C1orf87: variants seen among roughly 807,000 people sequenced by gnomAD.
C1orf87 encodes the protein uncharacterized protein C1orf87.
A neutral mutation model predicts 60.5 loss-of-function variants in C1orf87; 58 were observed. The observed-to-expected ratio is 0.96, with a 90% CI of 0.78 to 1.19. C1orf87 has a LOEUF of 1.19. Among genes scored for constraint, C1orf87 ranks in the 50% most tolerant of loss-of-function variants. The pLI is 0.00. For missense variants in C1orf87, 673 were observed against 638.6 expected (o/e 1.05, Z -0.58); for synonymous variants, 236 against 227.4 (o/e 1.04, Z -0.34).
At chr1:60,068,306 A>T (rs909038539) in intron 2 of C1orf87, among the ~76,000 whole-genome samples, 1 of 152,186 alleles carries the variant, frequency 6.6e-6, no homozygotes, top group Non-Finnish European at 1.5e-5. Flanking sequence ...TAGCCTTTGC[A>T]TATATTTCTG....
intron 8 of C1orf87, among the ~76,000 whole-genome samples, chr1:60,018,490 G>A (rs140294856): frequency 2.2e-3 from 335 of 152,012 alleles, no homozygotes; most frequent in Middle Eastern, 6.8e-3. Flanking sequence ...TCATATTCCC[G>A]ATTCTCAGAA....
chr1:60,010,587 G>A (rs1645076627), intron 8 of C1orf87, 131 bp from the exon 9 acceptor site: 1 of 745,478 alleles, frequency 1.3e-6, no homozygotes. Context: ...AAGGTCCAAT[G>A]CAGGAAACAG....
intron 8 of C1orf87, among the ~76,000 whole-genome samples, chr1:60,019,352 A>G (rs959867741): frequency 6.6e-6 from 1 of 152,192 alleles, no homozygotes; most frequent in East Asian, 1.9e-4. Context: ...CCACTCAGCC[A>G]TCCTTCCTGT....
intron 8 of C1orf87, among the ~76,000 whole-genome samples, chr1:60,016,887 T>G (rs1645128027): frequency 6.6e-6 from 1 of 152,210 alleles, no homozygotes. Flanking sequence ...AGCCCAAGGG[T>G]GAAGCCAGCT....
chr1:60,051,830 A>G (rs1254886009), intron 3 of C1orf87, among the ~76,000 whole-genome samples: 1 of 152,210 alleles, frequency 6.6e-6, no homozygotes, highest in Non-Finnish European at 1.5e-5. Flanking sequence ...GTAGAATTTA[A>G]CGGAATCTGT....
rs1430759161 is a variant in C1orf87, at chr1:60,039,933, C to T, written c.731G>A (p.Arg244Lys). Reference protein sequence around the residue: ...VKILCQRFSKRGSPEMVNYEK... With the variant: ...VKILCQRFSKKGSPEMVNYEK... ...TTGCCATACCATTTCAGGAGAACCC[C>T]TCTTAGAAAATCTCTGACAAAGGAT... Residue 244 changes from arginine (R) to lysine (K), a missense_variant, in exon 5 of 12, where the codon AGG becomes AAG. Arg to Lys is a conservative substitution (Grantham distance 26). Coordinates refer to ENST00000371201, the MANE Select transcript of C1orf87 (RefSeq NM_152377.3). 2 of 1,613,738 alleles carry T rather than the reference C, an allele frequency of 1.2e-6. No homozygotes were observed. Among genetic ancestry groups the T allele is most frequent in the East Asian group, 2.2e-5 (1 of 44,868 alleles).
At chr1:60,040,438 A>C (rs1645313948) in intron 4 of C1orf87, among the ~76,000 whole-genome samples, 1 of 152,228 alleles carries the variant, frequency 6.6e-6, no homozygotes. Flanking sequence ...TTTAACATAC[A>C]TCATTTGCCT....
intron 3 of C1orf87, 66 bp from the exon 4 acceptor site, chr1:60,041,197 G>GAATGGAGAA: frequency 7.3e-7 from 1 of 1,377,442 alleles, no homozygotes; most frequent in Non-Finnish European, 9.7e-7. Flanking sequence ...AAAGAGGAAA[G>GAATGGAGAA]AATGGAGAAA....
chr1:59,992,262 A>ATTTT lies in C1orf87; in HGVS notation c.1481-1433_1481-1430dup, dbSNP rs1169779540. ...TATTTATTTATTTATTTATTTATTT[A>ATTTT]TTTTTTATTTTGAGACAGGGTCTTA... is the stretch of plus-strand genomic sequence containing the variant. On this transcript the variant is annotated intron_variant, in intron 11 of 11. Coordinates refer to ENST00000371201, the MANE Select transcript of C1orf87 (RefSeq NM_152377.3). Among the ~76,000 whole-genome samples the ATTTT allele has an allele frequency of 6.4e-5, 9 of 141,344 alleles. No homozygotes were observed. In the South Asian group the frequency reaches 1.3e-3, roughly 21 times the overall value. The allele number at this position is 141,344 out of a possible 152,430, so 92.7% of individuals were successfully genotyped here.
chr1:60,018,344 A>G (rs1574303400), intron 8 of C1orf87, among the ~76,000 whole-genome samples: 1 of 152,316 alleles, frequency 6.6e-6, no homozygotes, highest in Non-Finnish European at 1.5e-5. Flanking sequence ...GATATCCTTG[A>G]ACATTTAAAA....
At chr1:60,034,610 T>C (rs895961718) in intron 6 of C1orf87, among the ~76,000 whole-genome samples, 1 of 152,214 alleles carries the variant, frequency 6.6e-6, no homozygotes, top group African/African-American at 2.4e-5. Context: ...CCATGGGTGA[T>C]TTCAGGCTAC....
intron 2 of C1orf87, among the ~76,000 whole-genome samples, chr1:60,061,094 C>T (rs1465576216): frequency 3.3e-5 from 5 of 152,120 alleles, no homozygotes; most frequent in Non-Finnish European, 5.9e-5. Flanking sequence ...CTCTGCATCA[C>T]GTCTGGATGC....
intron 10 of C1orf87, among the ~76,000 whole-genome samples, chr1:59,998,313 T>A (rs958358900): frequency 6.6e-6 from 1 of 152,198 alleles, no homozygotes; most frequent in Non-Finnish European, 1.5e-5. Flanking sequence ...GTCCTGTTCA[T>A]TTAGCAAAGG....
chr1:60,063,915 G>A (rs1039778536), intron 2 of C1orf87, among the ~76,000 whole-genome samples: 2 of 151,988 alleles, frequency 1.3e-5, no homozygotes, highest in Non-Finnish European at 2.9e-5. Flanking sequence ...ATTGATCCTG[G>A]GTGTGTCTGT....
chr1:59,991,828 G>A (rs143855665), intron 11 of C1orf87, among the ~76,000 whole-genome samples: 4 of 152,244 alleles, frequency 2.6e-5, no homozygotes, highest in Non-Finnish European at 5.9e-5. Context: ...GGGAGGAGTC[G>A]CAGTGTAGAC....
At chr1:60,061,776 C>CA (rs57844722) in intron 2 of C1orf87, among the ~76,000 whole-genome samples, 1,963 of 53,096 alleles carry the variant, frequency 0.037, 215 homozygotes, top group African/African-American at 0.11. Context: ...CCATCTCTAC[C>CA]AAAAAAAAAA....
At chr1:59,998,840 A>G (rs1418469977) in intron 10 of C1orf87, among the ~76,000 whole-genome samples, 1 of 152,144 alleles carries the variant, frequency 6.6e-6, no homozygotes, top group African/African-American at 2.4e-5. Flanking sequence ...AAGAAAAAAG[A>G]TATAGGAAGT....
intron 7 of C1orf87, among the ~76,000 whole-genome samples, chr1:60,026,621 A>G (rs1645199935): frequency 6.6e-6 from 1 of 152,170 alleles, no homozygotes. Flanking sequence ...GAAGGAAAAA[A>G]GAAATGTCAA....
At chr1:60,027,207 G>A (rs138253527) in intron 7 of C1orf87, among the ~76,000 whole-genome samples, 338 of 152,228 alleles carry the variant, frequency 2.2e-3, no homozygotes, top group African/African-American at 7.9e-3. Context: ...CCTGAAGTCT[G>A]CCTTTTATCA....
Sources: allele counts gnomAD v4.1 joint callset (sites outside exome capture counted in the v4.1 genomes callset), GRCh38; gene constraint gnomAD v4.1.1; transcripts MANE v1.5; gene names NCBI Gene and HGNC (gene_info 2026-07-23, HGNC 2026-07-21).